The following XPA variants were observed in gnomAD, a reference collection of about 807,000 sequenced individuals.
XPA encodes the protein XPA, DNA damage recognition and repair factor.
A neutral mutation model predicts 35.7 loss-of-function variants in XPA; 27 were observed. The observed-to-expected ratio is 0.76, with a 90% CI of 0.56 to 1.04. The LOEUF (loss-of-function observed/expected upper bound fraction) is 1.04, where lower values mean the gene tolerates loss of function less well. Ranked by LOEUF, XPA falls within the 50% of genes least tolerant of loss-of-function variation. The probability of loss-of-function intolerance (pLI) is 0.00; values close to 1 mark genes in which losing one functional copy is unlikely to be tolerated. For synonymous variants in XPA, 133 were observed against 118.4 expected, an observed-to-expected ratio of 1.12 and a Z score of -0.80; for missense variants, 354 against 342.7, an observed-to-expected ratio of 1.03 and a Z score of -0.26.
the XPA span, chr9:97,660,927 C>T: frequency 1.9e-6 from 3 of 1,603,044 alleles, no homozygotes; most frequent in Middle Eastern, 1.7e-4. Flanking sequence ...ATTCCCCTTA[C>T]CCCCAATTCT....
the XPA span, chr9:97,669,722 C>A: frequency 6.8e-7 from 1 of 1,474,534 alleles, no homozygotes; most frequent in Non-Finnish European, 9.5e-7. Flanking sequence ...TGGGGAACTT[C>A]GATTAGGTAA....
At chr9:97,660,434 T>C in the XPA span, among the ~76,000 whole-genome samples, 1 of 152,170 alleles carries the variant, frequency 6.6e-6, no homozygotes, top group African/African-American at 2.4e-5. Context: ...AGATTCAAGC[T>C]TGTGGACTCA....
At chr9:97,691,267 G>C (rs1463123408) in intron 2 of XPA, among the ~76,000 whole-genome samples, 1 of 152,174 alleles carries the variant, frequency 6.6e-6, no homozygotes, top group Non-Finnish European at 1.5e-5. Flanking sequence ...TAAGGGGAGA[G>C]GCTGTATTCA....
At position 97,697,110 on chromosome 9, in the gene XPA, G is replaced by A. The variant is rs766386535; in HGVS notation, c.172+11C>T. 51 of 1,533,464 alleles carry A rather than the reference G, an allele frequency of 3.3e-5. No individual in the cohort carries two copies. The East Asian group carries it at 1.0e-3, about 31-fold the overall frequency. The allele number at this position is 1,533,464 out of a possible 1,614,324, so 95.0% of individuals were successfully genotyped here. ...GGAGAGGGAAGGGGAAAGCGCGGACGCGGCCCAAACCTCCAGTAGCCGCAG... is the reference window on the plus strand; with the variant it reads ...GGAGAGGGAAGGGGAAAGCGCGGACACGGCCCAAACCTCCAGTAGCCGCAG... On this transcript the variant is annotated intron_variant, in intron 1 of 5. Coordinates refer to ENST00000375128, the MANE Select transcript of XPA (RefSeq NM_000380.4).
At chr9:97,662,383 C>T in the XPA span, among the ~76,000 whole-genome samples, 4 of 152,158 alleles carry the variant, frequency 2.6e-5, no homozygotes, top group African/African-American at 9.6e-5. Context: ...TTTAAAGAAA[C>T]TAGTGAAAAA....
At chr9:97,654,712 T>A in the XPA span, among the ~76,000 whole-genome samples, 4 of 152,218 alleles carry the variant, frequency 2.6e-5, no homozygotes, top group Non-Finnish European at 4.4e-5. Context: ...TATACATCAC[T>A]GATATTTCAA....
chr9:97,692,224 G>C (rs1191255702), intron 2 of XPA, among the ~76,000 whole-genome samples: 1 of 151,954 alleles, frequency 6.6e-6, no homozygotes, highest in Non-Finnish European at 1.5e-5. Context: ...CCAGGAGGCA[G>C]AGGTTGCGGT....
At position 97,689,608 on chromosome 9, in the gene XPA, G is replaced by A. The variant is rs138536873; in HGVS notation, c.315C>T (p.Cys105=). 30 of 1,611,808 alleles carry A rather than the reference G, an allele frequency of 1.9e-5. No individual in the cohort carries two copies. Among genetic ancestry groups the A allele is most frequent in the South Asian group, 3.3e-5 (3 of 90,922 alleles). ...CCATAAATTCTTTCCCACATTCTTC[G>A]CATATTACATAATCAAATTCCATAA... The part of the protein sequence containing the change: ...GPVMEFDYVI[C]EECGKEFMDS... The change falls in exon 3 of 6, where the codon TGC becomes TGT. Residue 105 remains cysteine, a synonymous_variant. Coordinates refer to ENST00000375128, the MANE Select transcript of XPA (RefSeq NM_000380.4).
the XPA span, chr9:97,669,560 G>A: frequency 4.2e-6 from 6 of 1,434,364 alleles, no homozygotes; most frequent in Non-Finnish European, 5.9e-6. Flanking sequence ...GATTCTGTCT[G>A]TAGTACTACC....
intron 5 of XPA, among the ~76,000 whole-genome samples, chr9:97,683,205 G>A (rs184954387): frequency 3.9e-5 from 6 of 152,278 alleles, no homozygotes; most frequent in Middle Eastern, 3.4e-3. Flanking sequence ...AAAACCCTAG[G>A]CTAGTATATA....
chr9:97,671,035 TTGCTTATA>T (rs1564032289), downstream of XPA: 10 of 1,217,582 alleles, frequency 8.2e-6, no homozygotes, highest in Non-Finnish European at 1.1e-5. Context: ...TTCCACAAGA[TTGCTTATA>T]TGCTTTTTCC....
At chr9:97,663,885 A>C in the XPA span, among the ~76,000 whole-genome samples, 1 of 151,798 alleles carries the variant, frequency 6.6e-6, no homozygotes, top group Non-Finnish European at 1.5e-5. Context: ...AAATCTTAAG[A>C]CCTAATGATC....
In XPA at chr9:97,675,522, C is replaced by T. The variant is rs963248210; in HGVS notation, c.739G>A (p.Gly247Arg). 9.7e-5 allele frequency: 156 copies of T among 1,613,788 alleles called. No individual in the cohort carries two copies. Among genetic ancestry groups the T allele is most frequent in the Non-Finnish European group, 1.3e-4 (151 of 1,179,940 alleles). ...TCATCTTCTAGGTTTTCTTCTGGTCCATACTCATGTTGATGAACAATCGTC... is the reference window on the plus strand; with the variant it reads ...TCATCTTCTAGGTTTTCTTCTGGTCTATACTCATGTTGATGAACAATCGTC... ...RETIVHQHEY[G>R]PEENLEDDMY... Residue 247 changes from glycine to arginine, a missense_variant, in exon 6 of 6, where the codon GGA (glycine) becomes AGA (arginine). Physicochemically the swap from Gly to Arg is moderately radical, Grantham distance 125. Transcript: ENST00000375128.
chr9:97,684,283 TAACAG>T (rs1828638125), intron 5 of XPA, among the ~76,000 whole-genome samples: 1 of 152,178 alleles, frequency 6.6e-6, no homozygotes, highest in South Asian at 2.1e-4. Flanking sequence ...CAGACAGACT[TAACAG>T]ACATACATAC....
chr9:97,680,607 ATG>A (rs1277959944), intron 5 of XPA, among the ~76,000 whole-genome samples: 4 of 152,204 alleles, frequency 2.6e-5, no homozygotes. Context: ...TTGGCAAAAT[ATG>A]TGTGTGTGAA....
chr9:97,694,084 T>G (rs1400746741), intron 1 of XPA, among the ~76,000 whole-genome samples: 1 of 152,236 alleles, frequency 6.6e-6, no homozygotes, highest in African/African-American at 2.4e-5. Flanking sequence ...ACCTCTGCCC[T>G]GAAAACTACA....
chr9:97,666,797 C>G, the XPA span: 1 of 1,607,654 alleles, frequency 6.2e-7, no homozygotes, highest in African/African-American at 1.3e-5. Context: ...CTCTACAATT[C>G]GTAAGATGAA....
At chr9:97,679,300 A>G (rs988733934) in intron 5 of XPA, among the ~76,000 whole-genome samples, 21 of 152,262 alleles carry the variant, frequency 1.4e-4, no homozygotes, top group African/African-American at 4.1e-4. Context: ...TGATGATGCA[A>G]ATAGCATAAA....
chr9:97,664,617 C>T, the XPA span, among the ~76,000 whole-genome samples: 1 of 152,142 alleles, frequency 6.6e-6, no homozygotes, highest in Admixed American at 6.5e-5. Flanking sequence ...CATACACAGC[C>T]TATCAGGTTG....
Sources: allele counts gnomAD v4.1 joint callset (sites outside exome capture counted in the v4.1 genomes callset), GRCh38; gene constraint gnomAD v4.1.1; transcripts MANE v1.5; gene names NCBI Gene and HGNC (gene_info 2026-07-23, HGNC 2026-07-21).